Variants in PIGK observed in about 807,000 individuals in gnomAD.
PIGK encodes the protein GPI-anchor transamidase.
Under a neutral mutation model 50.6 loss-of-function variants are expected in PIGK, and 42 were observed. The ratio of observed to expected loss-of-function variants is 0.83; its 90% CI spans 0.65 to 1.07. PIGK has a LOEUF of 1.07. PIGK is among the 50% of genes least tolerant of loss of function. The pLI, the probability that PIGK is intolerant of heterozygous loss-of-function variation, is 0.00. For missense variants in PIGK, 448 were observed against 488.7 expected (o/e 0.92, Z 0.78); for synonymous variants, 151 against 156.0 (o/e 0.97, Z 0.24).
At chr1:77,093,884 C>A (rs1257553905) in intron 10 of PIGK, among the ~76,000 whole-genome samples, 3 of 152,086 alleles carry the variant, frequency 2.0e-5, no homozygotes, top group Non-Finnish European at 2.9e-5. Flanking sequence ...TTTCTAATGG[C>A]AAAGCTCTTG....
chr1:77,134,252 C>G (rs1266246578), intron 9 of PIGK, among the ~76,000 whole-genome samples: 1 of 152,220 alleles, frequency 6.6e-6, no homozygotes, highest in Admixed American at 6.5e-5. Context: ...ATCTCCAGAG[C>G]TGTCACCTCT....
At chr1:77,100,816 G>A (rs1653525552) in intron 10 of PIGK, among the ~76,000 whole-genome samples, 1 of 152,166 alleles carries the variant, frequency 6.6e-6, no homozygotes, top group African/African-American at 2.4e-5. Flanking sequence ...CGGTGCACCA[G>A]ACACAGAATG....
chr1:77,106,747 A>G (rs1040275634), intron 10 of PIGK, among the ~76,000 whole-genome samples: 14 of 152,078 alleles, frequency 9.2e-5, no homozygotes, highest in Admixed American at 9.2e-4. Flanking sequence ...GTTATACTAG[A>G]TACAGCTATT....
At chr1:77,174,186 T>C (rs1655429107) in intron 3 of PIGK, among the ~76,000 whole-genome samples, 1 of 152,214 alleles carries the variant, frequency 6.6e-6, no homozygotes, top group East Asian at 1.9e-4. Context: ...TAAACTGTAT[T>C]ACAATTTTCT....
At chr1:77,115,878 A>C (rs1653949475) in intron 10 of PIGK, among the ~76,000 whole-genome samples, 1 of 152,172 alleles carries the variant, frequency 6.6e-6, no homozygotes, top group Non-Finnish European at 1.5e-5. Flanking sequence ...TTAAAAATAG[A>C]AATCTTGCAA....
At chr1:77,212,107 C>T (rs547329256) in intron 1 of PIGK, among the ~76,000 whole-genome samples, 1 of 152,200 alleles carries the variant, frequency 6.6e-6, no homozygotes. Flanking sequence ...TAAAGTAAGT[C>T]TAAATTATAT....
intron 9 of PIGK, among the ~76,000 whole-genome samples, chr1:77,142,525 G>C (rs928508751): frequency 8.5e-5 from 13 of 152,088 alleles, no homozygotes; most frequent in Admixed American, 7.9e-4. Flanking sequence ...CTGCTATAAA[G>C]AAATATCCAA....
chr1:77,214,061 G>A (rs1398331903), intron 1 of PIGK, among the ~76,000 whole-genome samples: 1 of 152,094 alleles, frequency 6.6e-6, no homozygotes, highest in Non-Finnish European at 1.5e-5. Flanking sequence ...ATGAAGAAAA[G>A]CCCAGAACGG....
intron 9 of PIGK, among the ~76,000 whole-genome samples, chr1:77,152,745 A>C (rs889248825): frequency 6.6e-6 from 1 of 152,172 alleles, no homozygotes; most frequent in Non-Finnish European, 1.5e-5. Context: ...GACATTTCAC[A>C]GAAGAAGACA....
chr1:77,092,217 TTTTC>T lies in PIGK; in HGVS notation c.*153_*156del, dbSNP rs1653316415. 1 of 460,106 alleles carries T rather than the reference TTTTC, an allele frequency of 2.2e-6. No individual in the cohort carries two copies. Among genetic ancestry groups the T allele is most frequent in the Non-Finnish European group, 3.8e-6 (1 of 261,644 alleles). 28.5% of individuals were successfully genotyped at this position (460,106 alleles called of 1,614,324 possible). On this transcript the variant is annotated 3_prime_UTR_variant, in exon 11 of 11. Transcript: ENST00000370812. ...ATTAAGCAGTTGCATTAACAATTAT[TTTTC>T]TTTAAGTTATAAAATTAATAGTTGA... is the stretch of plus-strand genomic sequence containing the variant.
At chr1:77,130,089 T>C (rs989243409) in intron 9 of PIGK, among the ~76,000 whole-genome samples, 2 of 151,744 alleles carry the variant, frequency 1.3e-5, no homozygotes, top group Non-Finnish European at 2.9e-5. Flanking sequence ...AAAATTAATA[T>C]GTGGCGTTAT....
chr1:77,092,606 T>C, intron 10 of PIGK, 116 bp from the exon 11 acceptor site: 1 of 671,360 alleles, frequency 1.5e-6, no homozygotes, highest in Non-Finnish European at 2.7e-6. Context: ...TGGGGACTAG[T>C]TAGTCAAATT....
intron 10 of PIGK, among the ~76,000 whole-genome samples, chr1:77,110,949 T>C (rs562708829): frequency 6.6e-6 from 1 of 152,202 alleles, no homozygotes; most frequent in African/African-American, 2.4e-5. Flanking sequence ...GGGCAAAGGA[T>C]ATGAACAGAC....
intron 9 of PIGK, among the ~76,000 whole-genome samples, chr1:77,151,693 T>C (rs1340625139): frequency 6.6e-6 from 1 of 152,084 alleles, no homozygotes; most frequent in Non-Finnish European, 1.5e-5. Context: ...AGCATTTTTA[T>C]CCAACAGTTA....
chr1:77,109,761 G>A (rs967043406), intron 10 of PIGK, among the ~76,000 whole-genome samples: 1 of 152,064 alleles, frequency 6.6e-6, no homozygotes, highest in African/African-American at 2.4e-5. Context: ...TTCTGGCCAG[G>A]GCAATTAGGG....
At chr1:77,106,139 A>C (rs1251913382) in intron 10 of PIGK, among the ~76,000 whole-genome samples, 1 of 152,222 alleles carries the variant, frequency 6.6e-6, no homozygotes, top group African/African-American at 2.4e-5. Flanking sequence ...CAAACAGTTA[A>C]TGGGACAAGT....
chr1:77,197,375 A>C (rs1656060172), intron 3 of PIGK, among the ~76,000 whole-genome samples: 1 of 152,212 alleles, frequency 6.6e-6, no homozygotes, highest in South Asian at 2.1e-4. Context: ...ACATGTAAAC[A>C]TGAACCTCAG....
At chr1:77,152,041 C>A (rs185796544) in intron 9 of PIGK, among the ~76,000 whole-genome samples, 117 of 152,138 alleles carry the variant, frequency 7.7e-4, no homozygotes, top group African/African-American at 2.6e-3. Context: ...CCCAGAATAG[C>A]TAAAGCAACC....
intron 9 of PIGK, among the ~76,000 whole-genome samples, chr1:77,127,877 T>C (rs974229050): frequency 6.6e-6 from 1 of 152,118 alleles, no homozygotes; most frequent in East Asian, 1.9e-4. Flanking sequence ...GAAAAAAGGA[T>C]AGAAAAGTTC....
Sources: gnomAD v4.1 joint callset for allele counts (sites outside exome capture counted in the v4.1 genomes callset) on GRCh38, gnomAD v4.1.1 for gene constraint, MANE v1.5 for transcripts, NCBI Gene and HGNC (gene_info 2026-07-23, HGNC 2026-07-21) for gene names.